The following EIF3B variants were observed in gnomAD, a reference collection of about 807,000 sequenced individuals.
EIF3B encodes the protein eukaryotic translation initiation factor 3 subunit B, also known as eukaryotic translation initiation factor 3 subunit 9.
Under a neutral mutation model 104.6 loss-of-function variants are expected in EIF3B, and 10 were observed. The ratio of observed to expected loss-of-function variants is 0.10; its 90% CI spans 0.06 to 0.16. The LOEUF is 0.16. Among genes scored for constraint, EIF3B ranks in the 10% least tolerant of loss-of-function variants. EIF3B has a pLI of 1.00. For synonymous variants in EIF3B, 542 were observed against 417.2 expected (o/e 1.30, Z -3.65); for missense variants, 1,014 against 1,087.9 (o/e 0.93, Z 0.96).
Position 2,379,619 on chromosome 7 carries a change from A to C in EIF3B, c.*14+108A>C, listed in dbSNP as rs947229581. ...CCTTTAAGGCAGGGGTGAAGGGTGA[A>C]GCCCTAGTGTCATGTGCCCAGGGTT... On this transcript the variant is annotated intron_variant, in intron 18 of 18. Coordinates refer to ENST00000360876, the MANE Select transcript of EIF3B (RefSeq NM_001037283.2). 1.1e-5 allele frequency: 8 copies of C among 743,024 alleles called. No individual in the cohort carries two copies. In the African/African-American group the frequency reaches 1.4e-4, roughly 13 times the overall value. 46.0% of individuals were successfully genotyped at this position (743,024 alleles called of 1,614,324 possible). A position where few individuals can be genotyped will look rare whatever the true frequency, so the allele number is the denominator to read the frequency against.
At chr7:2,359,116 G>C (rs755074454) in intron 1 of EIF3B, among the ~76,000 whole-genome samples, 1 of 152,142 alleles carries the variant, frequency 6.6e-6, no homozygotes, top group Non-Finnish European at 1.5e-5. Context: ...TAGTTTAAGT[G>C]CCGGTCTCTG....
At position 2,362,752 on chromosome 7, in the gene EIF3B, C is replaced by G. The variant is rs551734577; in HGVS notation, c.800C>G (p.Thr267Arg). 1.3e-5 allele frequency: 21 copies of G among 1,614,030 alleles called. No individual in the cohort carries two copies. The Admixed American group carries it at 2.5e-4, about 19-fold the overall frequency. ...CACACATTCCGGGTCAACCTCTTTACGGATTTTGACAAGTGAGTTCAGACT... is the reference window on the plus strand; with the variant it reads ...CACACATTCCGGGTCAACCTCTTTAGGGATTTTGACAAGTGAGTTCAGACT... ...KQHTFRVNLF[T>R]DFDKYMTISD... The change falls in exon 3 of 19, where the codon ACG becomes AGG. Residue 267 changes from threonine (T) to arginine (R), a missense_variant. Transcript: ENST00000360876.
At chr7:2,371,922 A>G (rs1370660993) in intron 11 of EIF3B, 73 bp downstream of exon 11, 3 of 1,206,840 alleles carry the variant, frequency 2.5e-6, no homozygotes, top group East Asian at 4.7e-5. Context: ...TAACACTTCC[A>G]TGCGAGGGGT....
At position 2,355,169 on chromosome 7, in the gene EIF3B, C is replaced by T. The variant is rs1458624463; in HGVS notation, c.248C>T (p.Ser83Leu). The change falls in exon 1 of 19, where the codon TCG becomes TTG. Residue 83 changes from serine (S) to leucine (L), a missense_variant. Around this residue, in one of 4 missense-constraint regions of EIF3B, gnomAD observed 488 missense variants for 404.3 expected, o/e 1.21. Coordinates refer to ENST00000360876, the MANE Select transcript of EIF3B (RefSeq NM_001037283.2). ...EAEAASGPSE[S>L]PSPPAAEELP... ...GAGGCGGCCTCCGGCCCGTCCGAGTCGCCCTCGCCGCCGGCCGCCGAGGAG... is the reference window on the plus strand; with the variant it reads ...GAGGCGGCCTCCGGCCCGTCCGAGTTGCCCTCGCCGCCGGCCGCCGAGGAG... The T allele has an allele frequency of 4.1e-6, 6 of 1,458,372 alleles. No homozygotes were observed. Among genetic ancestry groups the T allele is most frequent in the Middle Eastern group, 2.4e-4 (1 of 4,162 alleles). The allele number at this position is 1,458,372 out of a possible 1,614,324, so 90.3% of individuals were successfully genotyped here.
intron 9 of EIF3B, among the ~76,000 whole-genome samples, chr7:2,367,825 A>ATTTTTTTTTTTTTTTTTTTTTTTTTTTTT (rs71026506): frequency 1.7e-5 from 1 of 60,296 alleles, no homozygotes; most frequent in African/African-American, 8.6e-5. Flanking sequence ...TTTTTTTAAA[A>ATTTTTTTTTTTTTTTTTTTTTTTTTTTTT]TTTTTTTTTT....
Position 2,379,400 on chromosome 7 carries a change from A to G in EIF3B, c.2348A>G (p.Asp783Gly). The G allele has an allele frequency of 6.3e-7, 1 of 1,588,276 alleles. No individual in the cohort carries two copies. Among genetic ancestry groups the G allele is most frequent in the Non-Finnish European group, 8.6e-7 (1 of 1,166,900 alleles). Reference sequence around the variant, plus strand: ...GCGCCCTTTGTCCCCTCAGGGGTGGACACTGACGAGCTGGACAGCAACGTG... The same window carrying G: ...GCGCCCTTTGTCCCCTCAGGGGTGGGCACTGACGAGCTGGACAGCAACGTG... ...NERLELRGGV[D>G]TDELDSNVDD... is the part of the protein sequence containing the mutation. Residue 783 changes from aspartate (D) to glycine (G), a missense_variant, in exon 18 of 19, where the codon GAC (aspartate) becomes GGC (glycine). By Grantham distance (94) the Asp-to-Gly change is moderately conservative. Coordinates refer to ENST00000360876, the MANE Select transcript of EIF3B (RefSeq NM_001037283.2).
In EIF3B at chr7:2,373,015, T is replaced by A. The variant is rs111417050; in HGVS notation, c.1810+220T>A. On this transcript the variant is annotated intron_variant, in intron 12 of 18. Coordinates refer to ENST00000360876, the MANE Select transcript of EIF3B (RefSeq NM_001037283.2). ...CTGAGCCCCGTTGAGCCCTCACGTTTAAGCGAGTATTTCCAAGGCTTCCAT... is the reference window on the plus strand; with the variant it reads ...CTGAGCCCCGTTGAGCCCTCACGTTAAAGCGAGTATTTCCAAGGCTTCCAT... The A allele has an allele frequency of 4.1e-4, 155 of 381,256 alleles. 1 individual carries two copies. Among genetic ancestry groups the A allele is most frequent in the African/African-American group, 2.5e-3 (122 of 48,436 alleles). 23.6% of individuals were successfully genotyped at this position (381,256 alleles called of 1,614,324 possible).
chr7:2,377,208 A>G, intron 15 of EIF3B, 133 bp downstream of exon 15: 1 of 1,229,728 alleles, frequency 8.1e-7, no homozygotes, highest in Non-Finnish European at 1.1e-6. Flanking sequence ...GATTCTTTGA[A>G]GAGACGCAGG....
intron 14 of EIF3B, 110 bp downstream of exon 14, chr7:2,375,637 G>T: frequency 2.0e-6 from 3 of 1,492,634 alleles, no homozygotes; most frequent in Middle Eastern, 3.7e-4. Flanking sequence ...CCAAGCCTCT[G>T]TGTTGAACAG....
intron 18 of EIF3B, 151 bp from the exon 19 acceptor site, chr7:2,380,053 A>G: frequency 3.4e-6 from 1 of 291,854 alleles, no homozygotes; most frequent in Non-Finnish European, 6.8e-6. Flanking sequence ...GGGTGGGACC[A>G]TGAGCGAGTA....
At chr7:2,379,066 T>C (rs1780850954) in intron 16 of EIF3B, 68 bp from the exon 17 acceptor site, 3 of 1,367,044 alleles carry the variant, frequency 2.2e-6, no homozygotes, top group Non-Finnish European at 3.1e-6. Context: ...TCCGCCTGGG[T>C]GTGGGCTCTT....
intron 10 of EIF3B, among the ~76,000 whole-genome samples, chr7:2,371,017 T>G (rs576603600): frequency 6.6e-6 from 1 of 152,124 alleles, no homozygotes; most frequent in Non-Finnish European, 1.5e-5. Context: ...GAGCCGAGAT[T>G]GCACCACTGC....
chr7:2,360,593 A>G, intron 1 of EIF3B, 117 bp from the exon 2 acceptor site: 3 of 821,898 alleles, frequency 3.7e-6, no homozygotes, highest in Non-Finnish European at 5.5e-6. Flanking sequence ...TTTTGCTCAC[A>G]GTGAAAGCAT....
At chr7:2,376,839 G>C (rs1780656974) in intron 14 of EIF3B, 111 bp from the exon 15 acceptor site, 5 of 1,471,996 alleles carry the variant, frequency 3.4e-6, no homozygotes, top group Non-Finnish European at 4.6e-6. Flanking sequence ...GCAGAGCTTT[G>C]TTTGCTTCAC....
At chr7:2,373,954 A>T (rs1780498183) in intron 12 of EIF3B, 1 of 152,290 alleles carries the variant, frequency 6.6e-6, no homozygotes, top group Non-Finnish European at 1.5e-5. Context: ...GATGTACCAC[A>T]GGCTGAGGGG....
At chr7:2,364,161 C>G (rs913101193) in intron 5 of EIF3B, among the ~76,000 whole-genome samples, 3 of 152,042 alleles carry the variant, frequency 2.0e-5, no homozygotes, top group African/African-American at 7.2e-5. Flanking sequence ...ACTCGGGAGG[C>G]TGAGGCAGGA....
At chr7:2,370,391 C>A (rs983234113) in intron 10 of EIF3B, among the ~76,000 whole-genome samples, 1 of 151,278 alleles carries the variant, frequency 6.6e-6, no homozygotes, top group Non-Finnish European at 1.5e-5. Flanking sequence ...GCAGGAGAAT[C>A]GCTTGAACCC....
Position 2,366,462 on chromosome 7 carries a change from T to G in EIF3B, c.1289+14T>G. On this transcript the variant is annotated intron_variant, in intron 7 of 18. Coordinates refer to ENST00000360876, the MANE Select transcript of EIF3B (RefSeq NM_001037283.2). ...GCCTATTTTTAAGTAAGTGGACCATTGTAACGAGCTCTGTAGCCTTTGTCT... is the reference window on the plus strand; with the variant it reads ...GCCTATTTTTAAGTAAGTGGACCATGGTAACGAGCTCTGTAGCCTTTGTCT... 1 of 1,614,020 alleles carries G rather than the reference T, an allele frequency of 6.2e-7. No individual in the cohort carries two copies. Among genetic ancestry groups the G allele is most frequent in the South Asian group, 1.1e-5 (1 of 91,056 alleles).
rs768835970 is a variant in EIF3B at position 2,366,536 on chromosome 7, A to G, written c.1301A>G (p.Asp434Gly). The G allele has an allele frequency of 6.2e-6, 10 of 1,614,184 alleles. No individual in the cohort carries two copies. The Admixed American group carries it at 1.7e-4, about 27-fold the overall frequency. ...TTTGTTTTTCTTAGGTGGAGCCATG[A>G]TGGCAAATTCTTTGCCAGAATGACC... ...AHWPIFKWSH[D>G]GKFFARMTLD... The change falls in exon 8 of 19, where the codon GAT becomes GGT. Residue 434 changes from aspartate to glycine, a missense_variant. Asp to Gly is a moderately conservative substitution (Grantham distance 94, BLOSUM62 -1). Around this residue, in one of 4 missense-constraint regions of EIF3B, gnomAD observed 201 missense variants for 240.7 expected, o/e 0.83. Coordinates refer to ENST00000360876, the MANE Select transcript of EIF3B (RefSeq NM_001037283.2).
Sources: allele counts gnomAD v4.1 joint callset (sites outside exome capture counted in the v4.1 genomes callset), GRCh38; gene constraint gnomAD v4.1.1; regional missense constraint gnomAD v4.1.1; transcripts MANE v1.5; gene names NCBI Gene and HGNC (gene_info 2026-07-23, HGNC 2026-07-21).